Variants in EFNA2 observed in about 807,000 individuals in gnomAD.
The protein encoded by EFNA2 is ephrin-A2.
EFNA2 carries 18 observed loss-of-function variants against 19.7 expected under a neutral mutation model. The ratio of observed to expected loss-of-function variants is 0.91; its 90% CI spans 0.63 to 1.35. The LOEUF is 1.35. Among genes scored for constraint, EFNA2 ranks in the 40% most tolerant of loss-of-function variants. The pLI is 0.00. For synonymous variants in EFNA2, 187 were observed against 137.8 expected (o/e 1.36, Z -2.50); for missense variants, 303 against 296.0 (o/e 1.02, Z -0.17).
chr19:1,289,111 CAT>C (rs1462476542), intron 1 of EFNA2, among the ~76,000 whole-genome samples: 2 of 152,230 alleles, frequency 1.3e-5, no homozygotes, highest in Non-Finnish European at 2.9e-5. Context: ...CTGCAGGTTA[CAT>C]GTGTCTGTGT....
rs1484334239 is a variant in EFNA2, at chr19:1,300,152, C to CG, written c.*207_*208insG. 1.5e-6 allele frequency: 1 copy of CG among 645,502 alleles called. No individual in the cohort carries two copies. The highest frequency in any genetic ancestry group is 1.9e-5 in the African/African-American group (1 of 51,294). 40.0% of individuals were successfully genotyped at this position (645,502 alleles called of 1,614,324 possible). ...GAGGGGAAACGGCCGAGAGCCCCCC[C>CG]CCGGAGGCCCGAGGGGCCGGGGTGT... On this transcript the variant is annotated 3_prime_UTR_variant, in exon 4 of 4. Transcript: ENST00000215368.
At chr19:1,298,171 C>T (rs1319577312) in intron 2 of EFNA2, among the ~76,000 whole-genome samples, 1 of 151,368 alleles carries the variant, frequency 6.6e-6, no homozygotes, top group African/African-American at 2.4e-5. Flanking sequence ...CACAGGCTCT[C>T]AGAGGCAGAG....
At chr19:1,291,561 C>A (rs1242246682) in intron 1 of EFNA2, among the ~76,000 whole-genome samples, 2 of 152,062 alleles carry the variant, frequency 1.3e-5, no homozygotes, top group Non-Finnish European at 2.9e-5. Context: ...GCCTGCTCAT[C>A]CGGCCAGCCT....
chr19:1,298,734 C>T (rs1018657503), intron 3 of EFNA2, 118 bp downstream of exon 3: 10 of 1,111,008 alleles, frequency 9.0e-6, no homozygotes, highest in South Asian at 1.5e-5. Context: ...CTATCTTGCC[C>T]TGCCTTGCCC....
upstream of EFNA2, among the ~76,000 whole-genome samples, chr19:1,284,477 A>G (rs543994483): frequency 1.3e-5 from 2 of 152,362 alleles, no homozygotes; most frequent in Admixed American, 1.3e-4. The surrounding 1 kb of genome is among the most constrained non-coding windows in gnomAD (Gnocchi z 5.3). Context: ...ACTGGGTGGG[A>G]CAGACCTTTC....
At position 1,300,164 on chromosome 19, in the gene EFNA2, A is replaced by C. The variant is rs911937954; in HGVS notation, c.*219A>C. 4 of 434,336 alleles carry C rather than the reference A, an allele frequency of 9.2e-6. No homozygotes were observed. Among genetic ancestry groups the C allele is most frequent in the Non-Finnish European group, 1.1e-5 (3 of 274,004 alleles). The allele number at this position is 434,336 out of a possible 1,614,324, so 26.9% of individuals were successfully genotyped here. A position where few individuals can be genotyped will look rare whatever the true frequency, so the allele number is the denominator to read the frequency against. On this transcript the variant is annotated 3_prime_UTR_variant, in exon 4 of 4. Coordinates refer to ENST00000215368, the MANE Select transcript of EFNA2 (RefSeq NM_001405.4). ...CCGAGAGCCCCCCCCCGGAGGCCCG[A>C]GGGGCCGGGGTGTGGATGCGGACCG...
rs73920404 is a variant in EFNA2 at position 1,287,361 on chromosome 19, C to T, written c.140+1053C>T. ...CGTCTTCCTAAGGCACACGGAGCTGCACATCGGGGGCTGAGGCGGCCCCCC... is the reference window on the plus strand; with the variant it reads ...CGTCTTCCTAAGGCACACGGAGCTGTACATCGGGGGCTGAGGCGGCCCCCC... On this transcript the variant is annotated intron_variant, in intron 1 of 3. Transcript: ENST00000215368. The surrounding 1 kb of genome is among the most constrained non-coding windows in gnomAD (Gnocchi z 6.2). Among the ~76,000 whole-genome samples, 558 of 152,216 alleles carry T rather than the reference C, an allele frequency of 3.7e-3. 4 individuals are homozygous for T. Among genetic ancestry groups the T allele is most frequent in the African/African-American group, 0.013 (541 of 41,514 alleles).
rs989284542 is a variant in EFNA2, at chr19:1,286,608, C to T, written c.140+300C>T. Among the ~76,000 whole-genome samples, 2 of 152,186 alleles carry T rather than the reference C, an allele frequency of 1.3e-5. No homozygotes were observed. The highest frequency in any genetic ancestry group is 4.8e-5 in the African/African-American group (2 of 41,458). ...GAGTTTGGGGAACCCCTCTGGTACCCTCCGATGCCGGGTAGCCCCTGAGTT... is the reference window on the plus strand; with the variant it reads ...GAGTTTGGGGAACCCCTCTGGTACCTTCCGATGCCGGGTAGCCCCTGAGTT... On this transcript the variant is annotated intron_variant, in intron 1 of 3. Transcript: ENST00000215368. The surrounding 1 kb of genome is among the most constrained non-coding windows in gnomAD (Gnocchi z 5.6).
Position 1,297,332 on chromosome 19 carries a change from CG to C in EFNA2, c.455-1214del, listed in dbSNP as rs1439458900. On this transcript the variant is annotated intron_variant, in intron 2 of 3. Transcript: ENST00000215368. The surrounding 1 kb of genome is among the most constrained non-coding windows in gnomAD (Gnocchi z 5.0). The stretch of plus-strand genomic sequence containing the variant: ...ATTCAGGGAAGAAGCGGGTGGGGGA[CG>C]GGGGAAGGTGTTTAAATTAAGTCCC... Among the ~76,000 whole-genome samples the C allele has an allele frequency of 3.3e-5, 5 of 152,162 alleles. No homozygotes were observed. Among genetic ancestry groups the C allele is most frequent in the African/African-American group, 1.2e-4 (5 of 41,490 alleles).
chr19:1,294,890 G>A lies in EFNA2; in HGVS notation c.141-655G>A, dbSNP rs1370830383. 2.0e-5 allele frequency among the ~76,000 whole-genome samples: 3 copies of A among 152,126 alleles called. No homozygotes were observed. Among genetic ancestry groups the A allele is most frequent in the African/African-American group, 2.4e-5 (1 of 41,426 alleles). ...GGGCTGGGGGCTGCCTGGAGGAGGC[G>A]GCACAGATGTTAAGCATGTTAGGTA... On this transcript the variant is annotated intron_variant, in intron 1 of 3. Transcript: ENST00000215368. This position sits in a 1 kb window ranked among gnomAD's most constrained non-coding sequence, Gnocchi z 5.8.
At position 1,296,027 on chromosome 19, in the gene EFNA2, G is replaced by A. The variant is rs1263685061; in HGVS notation, c.454+169G>A. 1.3e-5 allele frequency among the ~76,000 whole-genome samples: 2 copies of A among 149,924 alleles called. No homozygotes were observed. The highest frequency in any genetic ancestry group is 2.5e-5 in the African/African-American group (1 of 40,748). Reference sequence around the variant, plus strand: ...GGGAGTGGGCGGGGCCGCGGAATGGGGCCAGGGGGGAGTGGGCGGGGCCGC... The same window carrying A: ...GGGAGTGGGCGGGGCCGCGGAATGGAGCCAGGGGGGAGTGGGCGGGGCCGC... On this transcript the variant is annotated intron_variant, in intron 2 of 3. Transcript: ENST00000215368. This position sits in a 1 kb window ranked among gnomAD's most constrained non-coding sequence, Gnocchi z 4.4.
chr19:1,293,134 C>A (rs1180053435), intron 1 of EFNA2, among the ~76,000 whole-genome samples: 3 of 152,140 alleles, frequency 2.0e-5, no homozygotes, highest in Non-Finnish European at 4.4e-5. Context: ...AGTGGGGAGC[C>A]CAGACGCCCC....
rs1399626651 is a variant in EFNA2, at chr19:1,286,574, C to T, written c.140+266C>T. ...CGCCCCACATCCCCCAGAGCGCCGA[C>T]GTCTCCTGGAGTTTGGGGAACCCCT... On this transcript the variant is annotated intron_variant, in intron 1 of 3. Coordinates refer to ENST00000215368, the MANE Select transcript of EFNA2 (RefSeq NM_001405.4). This position sits in a 1 kb window ranked among gnomAD's most constrained non-coding sequence, Gnocchi z 5.6. Among the ~76,000 whole-genome samples the T allele has an allele frequency of 6.6e-6, 1 of 152,138 alleles. No individual in the cohort carries two copies. Among genetic ancestry groups the T allele is most frequent in the African/African-American group, 2.4e-5 (1 of 41,446 alleles).
At position 1,296,682 on chromosome 19, in the gene EFNA2, C is replaced by T. The variant is rs1413106349; in HGVS notation, c.454+824C>T. ...GAAAAAAACCCCACAGGGCCCCTGC[C>T]GCACCAGCCGCACCCAGACTGGGTA... On this transcript the variant is annotated intron_variant, in intron 2 of 3. Transcript: ENST00000215368. The surrounding 1 kb of genome is among the most constrained non-coding windows in gnomAD (Gnocchi z 4.4). Among the ~76,000 whole-genome samples the T allele has an allele frequency of 4.6e-5, 7 of 152,138 alleles. No homozygotes were observed. The highest frequency in any genetic ancestry group is 2.6e-4 in the Admixed American group (4 of 15,288).
chr19:1,295,764 C>G lies in EFNA2; in HGVS notation c.360C>G (p.Pro120=), dbSNP rs1568867920. 5 of 1,604,322 alleles carry G rather than the reference C, an allele frequency of 3.1e-6. No homozygotes were observed. Among genetic ancestry groups the G allele is most frequent in the Non-Finnish European group, 4.2e-6 (5 of 1,176,740 alleles). The change falls in exon 2 of 4, where the codon CCC becomes CCG. Residue 120 remains proline (P), a synonymous_variant. Coordinates refer to ENST00000215368, the MANE Select transcript of EFNA2 (RefSeq NM_001405.4). This position sits in a 1 kb window ranked among gnomAD's most constrained non-coding sequence, Gnocchi z 5.8. ...KRWECNRPAA[P]GGPLKFSEKF... ...GGGAGTGCAACCGGCCCGCGGCGCC[C>G]GGGGGGCCGCTCAAGTTCTCGGAGA...
At position 1,300,279 on chromosome 19, in the gene EFNA2, T is replaced by C. The variant is rs36104643; in HGVS notation, c.*334T>C. On this transcript the variant is annotated 3_prime_UTR_variant, in exon 4 of 4. Coordinates refer to ENST00000215368, the MANE Select transcript of EFNA2 (RefSeq NM_001405.4). ...TTTTTTTTTTTTTTTTTTTTTTTAG[T>C]GTATTTTTCGTGGTTGGATCAAAAA... 12 of 165,908 alleles carry C rather than the reference T, an allele frequency of 7.2e-5. No individual in the cohort carries two copies. In the East Asian group the frequency reaches 1.6e-3, roughly 23 times the overall value. The allele number at this position is 165,908 out of a possible 1,614,324, so 10.3% of individuals were successfully genotyped here.
Position 1,287,747 on chromosome 19 carries a change from C to G in EFNA2, c.140+1439C>G, listed in dbSNP as rs1259195952. 1.3e-5 allele frequency among the ~76,000 whole-genome samples: 2 copies of G among 152,252 alleles called. No homozygotes were observed. The highest frequency in any genetic ancestry group is 2.9e-5 in the Non-Finnish European group (2 of 68,040). ...TGGTCACATGTGGGTTTGATTAAGG[C>G]TGTCGCTGGCCGTGCGGGGAGTCCA... On this transcript the variant is annotated intron_variant, in intron 1 of 3. Transcript: ENST00000215368. The surrounding 1 kb of genome is among the most constrained non-coding windows in gnomAD (Gnocchi z 6.2).
chr19:1,291,292 C>T (rs1175893939), intron 1 of EFNA2, among the ~76,000 whole-genome samples: 2 of 152,220 alleles, frequency 1.3e-5, no homozygotes, highest in African/African-American at 4.8e-5. Context: ...TAGGGCCCTG[C>T]CTCAGTTTAC....
rs933823189 is a variant in EFNA2, at chr19:1,295,541, G to A, written c.141-4G>A. 5.1e-6 allele frequency: 8 copies of A among 1,583,972 alleles called. 1 individual carries two copies. The African/African-American group carries it at 9.5e-5, about 19-fold the overall frequency. ...GCTGACCTCTGGCCGCCTTGTCCCC[G>A]CAGGTTCCACGCAGGCGCGGGGGAC... On this transcript the variant is annotated splice_polypyrimidine_tract_variant and splice_region_variant and intron_variant, in intron 1 of 3. Transcript: ENST00000215368. This position sits in a 1 kb window ranked among gnomAD's most constrained non-coding sequence, Gnocchi z 5.8.
Sources: gnomAD v4.1 joint callset for allele counts (sites outside exome capture counted in the v4.1 genomes callset) on GRCh38, gnomAD v4.1.1 for gene constraint, Gnocchi (gnomAD v3.1) non-coding constraint, MANE v1.5 for transcripts, NCBI Gene and HGNC (gene_info 2026-07-23, HGNC 2026-07-21) for gene names.